Variants in SLC39A14 observed in about 807,000 individuals in gnomAD.
The protein encoded by SLC39A14 is metal cation symporter ZIP14.
In SLC39A14, 19 loss-of-function variants were observed where a neutral mutation model predicts 45.5. The ratio of observed to expected loss-of-function variants is 0.42; its 90% CI spans 0.29 to 0.61. The LOEUF (loss-of-function observed/expected upper bound fraction) is 0.61, where lower values mean the gene tolerates loss of function less well. Among genes scored for constraint, SLC39A14 ranks in the 20% least tolerant of loss-of-function variants. SLC39A14 has a pLI of 0.22. For synonymous variants in SLC39A14, 264 were observed against 251.3 expected (o/e 1.05, Z -0.48); for missense variants, 447 against 616.5 (o/e 0.73, Z 2.91).
chr8:22,393,783 C>T (rs1326032607), intron 1 of SLC39A14, among the ~76,000 whole-genome samples: 1 of 152,078 alleles, frequency 6.6e-6, no homozygotes, highest in Non-Finnish European at 1.5e-5. Context: ...GCAGTCCTCC[C>T]ACCTCAGGCC....
chr8:22,368,375 T>C (rs1409869508), intron 1 of SLC39A14, among the ~76,000 whole-genome samples: 1 of 152,208 alleles, frequency 6.6e-6, no homozygotes, highest in Non-Finnish European at 1.5e-5. Context: ...CCCTGGCCTC[T>C]GTCCCTGCTC....
At chr8:22,388,570 G>A (rs1387868033) in intron 1 of SLC39A14, among the ~76,000 whole-genome samples, 1 of 151,748 alleles carries the variant, frequency 6.6e-6, no homozygotes, top group Non-Finnish European at 1.5e-5. Context: ...CGGTGATGAA[G>A]TGGGGGCAGG....
At chr8:22,433,514 G>A (rs1269991272) in intron 8 of SLC39A14, among the ~76,000 whole-genome samples, 1 of 148,740 alleles carries the variant, frequency 6.7e-6, no homozygotes, top group South Asian at 2.2e-4. Flanking sequence ...ATACCACTAT[G>A]CCTGGCTTAA....
At position 22,420,379 on chromosome 8, in the gene SLC39A14, C is replaced by T; in HGVS notation, c.*681C>T. ...CTGGATATTGATTTTGTAACAGCAC[C>T]TGGTGTTTCACGGCTGTCCGAGTGA... On this transcript the variant is annotated 3_prime_UTR_variant, in exon 9 of 9. Coordinates refer to ENST00000381237, the MANE Select transcript of SLC39A14 (RefSeq NM_001128431.4). 2.0e-6 allele frequency: 2 copies of T among 985,414 alleles called. No homozygotes were observed. Among genetic ancestry groups the T allele is most frequent in the Non-Finnish European group, 2.4e-6 (2 of 829,948 alleles). The allele number at this position is 985,414 out of a possible 1,614,324, so 61.0% of individuals were successfully genotyped here.
At chr8:22,391,863 C>T (rs964469378) in intron 1 of SLC39A14, among the ~76,000 whole-genome samples, 22 of 152,064 alleles carry the variant, frequency 1.4e-4, no homozygotes, top group Non-Finnish European at 2.6e-4. Flanking sequence ...CCACCGCTCC[C>T]GGCCAGGGCT....
intron 1 of SLC39A14, among the ~76,000 whole-genome samples, chr8:22,371,516 C>G (rs1329078029): frequency 1.4e-5 from 2 of 146,766 alleles, no homozygotes; most frequent in Non-Finnish European, 3.0e-5. Context: ...TCACTGCAAC[C>G]TCTGCCTCCT....
chr8:22,431,462 C>G (rs1316439576), intron 8 of SLC39A14, among the ~76,000 whole-genome samples: 3 of 152,136 alleles, frequency 2.0e-5, no homozygotes, highest in African/African-American at 7.2e-5. Context: ...TAGAAACTGA[C>G]GCCAGGTTAC....
intron 1 of SLC39A14, among the ~76,000 whole-genome samples, chr8:22,395,191 G>A (rs1435076132): frequency 6.6e-6 from 1 of 152,050 alleles, no homozygotes. Context: ...TATATTTTTA[G>A]TAGAGTTGGG....
At chr8:22,428,415 A>T (rs1393448404) in intron 8 of SLC39A14, among the ~76,000 whole-genome samples, 1 of 149,082 alleles carries the variant, frequency 6.7e-6, no homozygotes, top group African/African-American at 2.5e-5. Context: ...TAGTAGAAAA[A>T]TTTTGTGTTC....
At chr8:22,397,031 T>C (rs372870690) in intron 1 of SLC39A14, among the ~76,000 whole-genome samples, 12 of 152,292 alleles carry the variant, frequency 7.9e-5, no homozygotes, top group African/African-American at 2.9e-4. Flanking sequence ...TACACTCCTA[T>C]TTCATTTTTT....
Position 22,376,317 on chromosome 8 carries a change from A to G in SLC39A14, c.-16+8909A>G, listed in dbSNP as rs1474236615. Among the ~76,000 whole-genome samples, 5 of 148,812 alleles carry G rather than the reference A, an allele frequency of 3.4e-5. No homozygotes were observed. The East Asian group carries it at 1.0e-3, about 30-fold the overall frequency. On this transcript the variant is annotated intron_variant, in intron 1 of 8. Transcript: ENST00000381237. The stretch of plus-strand genomic sequence containing the variant: ...CTCCCAAGTAGCTGGGATTACAGGC[A>G]TGAGCCACCACACCTAATTTTTTTT...
rs1208698447 is a variant in SLC39A14, at chr8:22,402,134, C to G, written c.-15-2562C>G. On this transcript the variant is annotated intron_variant, in intron 1 of 8. Coordinates refer to ENST00000381237, the MANE Select transcript of SLC39A14 (RefSeq NM_001128431.4). The stretch of plus-strand genomic sequence containing the variant: ...CAGTAGCTCACGCCTGTAATCCCAG[C>G]ACTTTGGGAGGCGGAGGCGTGTGGG... 2.6e-5 allele frequency among the ~76,000 whole-genome samples: 4 copies of G among 152,296 alleles called. No individual in the cohort carries two copies. The East Asian group carries it at 7.7e-4, about 29-fold the overall frequency.
chr8:22,424,933 G>A (rs1175220552), downstream of SLC39A14, among the ~76,000 whole-genome samples: 2 of 149,982 alleles, frequency 1.3e-5, no homozygotes, highest in African/African-American at 2.5e-5. Context: ...AGAGGCTGAC[G>A]CAGGAGAATC....
At chr8:22,424,122 C>T (rs561609531), downstream of SLC39A14, among the ~76,000 whole-genome samples, 1 of 152,204 alleles carries the variant, frequency 6.6e-6, no homozygotes, top group South Asian at 2.1e-4. Context: ...AGGCTGTGAT[C>T]TCACTGTGTT....
Position 22,389,052 on chromosome 8 carries a change from C to T in SLC39A14, c.-15-15644C>T, listed in dbSNP as rs548387633. On this transcript the variant is annotated intron_variant, in intron 1 of 8. Coordinates refer to ENST00000381237, the MANE Select transcript of SLC39A14 (RefSeq NM_001128431.4). ...CAGGGGCTGGGCTGGAAGGGGCCGG[C>T]GCTGAGCAGCGGCGCTTCTTACCTG... Among the ~76,000 whole-genome samples the T allele has an allele frequency of 1.5e-3, 232 of 152,294 alleles. 1 individual carries two copies. Among genetic ancestry groups the T allele is most frequent in the African/African-American group, 5.4e-3 (224 of 41,554 alleles).
At chr8:22,413,194 C>T (rs761166972) in intron 4 of SLC39A14, among the ~76,000 whole-genome samples, 32 of 152,200 alleles carry the variant, frequency 2.1e-4, no homozygotes, top group Admixed American at 1.3e-4. Context: ...TGTGGGTGGT[C>T]TCGCAGGCCT....
intron 8 of SLC39A14, 34 bp from the exon 9 acceptor site, chr8:22,419,518 A>C: frequency 9.6e-6 from 15 of 1,569,106 alleles, no homozygotes; most frequent in Non-Finnish European, 1.2e-5. Flanking sequence ...TGAAGAAGGA[A>C]TTGCAGCTGT....
downstream of SLC39A14, among the ~76,000 whole-genome samples, chr8:22,427,210 G>A (rs1442914578): frequency 1.3e-5 from 2 of 152,062 alleles, no homozygotes; most frequent in African/African-American, 4.8e-5. Flanking sequence ...AGAATCGTTT[G>A]AACCCAGGAG....
intron 1 of SLC39A14, among the ~76,000 whole-genome samples, chr8:22,380,980 A>C (rs1833476534): frequency 7.1e-6 from 1 of 141,462 alleles, no homozygotes; most frequent in Non-Finnish European, 1.5e-5. Flanking sequence ...CCGGCCTCTG[A>C]ATTTTTTTTT....
Sources: allele counts gnomAD v4.1 joint callset (sites outside exome capture counted in the v4.1 genomes callset), GRCh38; gene constraint gnomAD v4.1.1; transcripts MANE v1.5; gene names NCBI Gene and HGNC (gene_info 2026-07-23, HGNC 2026-07-21).